The following PPFIA2 variants were observed in gnomAD, a reference collection of about 807,000 sequenced individuals.
PPFIA2 encodes the protein liprin-alpha-2.
In PPFIA2, 46 loss-of-function variants were observed where a neutral mutation model predicts 175.5. That is an observed-to-expected ratio of 0.26 (90% CI 0.21 to 0.34). PPFIA2 has a LOEUF of 0.34. Among genes scored for constraint, PPFIA2 ranks in the 10% least tolerant of loss-of-function variants. The pLI is 1.00. For missense variants in PPFIA2, 1,179 were observed against 1,506.1 expected, an observed-to-expected ratio of 0.78 and a Z score of 3.60; for synonymous variants, 568 against 511.4, an observed-to-expected ratio of 1.11 and a Z score of -1.49.
Position 81,440,813 on chromosome 12 carries a change from G to GATATATATAT in PPFIA2, c.571-777_571-768dup, listed in dbSNP as rs142582712. On this transcript the variant is annotated intron_variant, in intron 6 of 32. Transcript: ENST00000549396. ...ATGTTTAGATCTATATATATGTCCT[G>GATATATATAT]ATATATATATATATATATATAAAAC... 2.7e-3 allele frequency among the ~76,000 whole-genome samples: 384 copies of GATATATATAT among 143,134 alleles called. 4 individuals carry two copies. The highest frequency in any genetic ancestry group is 9.3e-3 in the African/African-American group (369 of 39,598). The allele number at this position is 143,134 out of a possible 152,430, so 93.9% of individuals were successfully genotyped here.
At chr12:81,757,518 GA>G (rs1205659781) in intron 2 of PPFIA2, among the ~76,000 whole-genome samples, 1 of 152,042 alleles carries the variant, frequency 6.6e-6, no homozygotes, top group African/African-American at 2.4e-5. Context: ...TGTTGAGAAA[GA>G]AAAAAAGTAA....
chr12:81,307,240 C>T (rs940491458), intron 22 of PPFIA2, among the ~76,000 whole-genome samples: 1 of 152,106 alleles, frequency 6.6e-6, no homozygotes, highest in African/African-American at 2.4e-5. Context: ...ACCATGTGCC[C>T]GCAGCCTCAT....
chr12:81,608,623 T>C (rs1472547510), intron 4 of PPFIA2, among the ~76,000 whole-genome samples: 1 of 152,070 alleles, frequency 6.6e-6, no homozygotes, highest in African/African-American at 2.4e-5. Context: ...TGTGTTTCTG[T>C]GGGATCAGTT....
chr12:81,559,897 C>A (rs1407298938), intron 4 of PPFIA2, among the ~76,000 whole-genome samples: 1 of 151,718 alleles, frequency 6.6e-6, no homozygotes, highest in Non-Finnish European at 1.5e-5. Context: ...AAATTAACAT[C>A]CTATCTCAGT....
At chr12:81,690,359 C>G (rs1412954623) in intron 3 of PPFIA2, among the ~76,000 whole-genome samples, 2 of 152,208 alleles carry the variant, frequency 1.3e-5, no homozygotes, top group East Asian at 1.9e-4. Flanking sequence ...TAAACATTGT[C>G]TCTTAATGAG....
intron 24 of PPFIA2, among the ~76,000 whole-genome samples, chr12:81,285,047 T>A (rs2042971908): frequency 6.6e-6 from 1 of 151,956 alleles, no homozygotes; most frequent in Non-Finnish European, 1.5e-5. Context: ...TGTAAAATAA[T>A]TTTTTTTCTC....
chr12:81,695,376 C>T (rs992461298), intron 3 of PPFIA2, among the ~76,000 whole-genome samples: 15 of 152,128 alleles, frequency 9.9e-5, no homozygotes, highest in African/African-American at 3.6e-4. Flanking sequence ...GTAGTAAGCT[C>T]TTGCGAGATC....
chr12:81,695,569 CTTT>C lies in PPFIA2; in HGVS notation c.250-18728_250-18726del, dbSNP rs548095807. Among the ~76,000 whole-genome samples, 315 of 152,204 alleles carry C rather than the reference CTTT, an allele frequency of 2.1e-3. 2 individuals carry two copies. Among genetic ancestry groups the C allele is most frequent in the Non-Finnish European group, 3.6e-3 (245 of 68,012 alleles). ...CCTACAAAACTGTGAGCCAATTAAA[CTTT>C]TTTTCTTTGTAAATTACCCAGCCAG... On this transcript the variant is annotated intron_variant, in intron 3 of 32. Transcript: ENST00000549396.
At chr12:81,332,838 TCA>T (rs2056398329) in intron 21 of PPFIA2, among the ~76,000 whole-genome samples, 1 of 152,144 alleles carries the variant, frequency 6.6e-6, no homozygotes, top group Admixed American at 6.6e-5. Flanking sequence ...TGAAATCATC[TCA>T]GTTTCGATAT....
intron 17 of PPFIA2, among the ~76,000 whole-genome samples, chr12:81,349,172 T>C (rs903685355): frequency 6.6e-6 from 1 of 152,224 alleles, no homozygotes; most frequent in Non-Finnish European, 1.5e-5. Flanking sequence ...TCACTAACTA[T>C]TCTGCAAATC....
At chr12:81,304,322 A>G (rs1413775513) in intron 22 of PPFIA2, among the ~76,000 whole-genome samples, 1 of 152,222 alleles carries the variant, frequency 6.6e-6, no homozygotes, top group Non-Finnish European at 1.5e-5. Context: ...TCTGATTTGT[A>G]TAGACCTACT....
chr12:81,316,877 A>G (rs1398923927), intron 22 of PPFIA2, among the ~76,000 whole-genome samples: 1 of 151,634 alleles, frequency 6.6e-6, no homozygotes, highest in Non-Finnish European at 1.5e-5. Flanking sequence ...TCTTTAAATC[A>G]CAGCCCTATT....
At chr12:81,727,226 T>C (rs1000896632) in intron 3 of PPFIA2, among the ~76,000 whole-genome samples, 1 of 151,428 alleles carries the variant, frequency 6.6e-6, no homozygotes, top group East Asian at 2.0e-4. Flanking sequence ...ATCACAAGCT[T>C]ATTTATATAA....
intron 4 of PPFIA2, among the ~76,000 whole-genome samples, chr12:81,600,289 T>A (rs2059657588): frequency 6.6e-6 from 1 of 152,006 alleles, no homozygotes; most frequent in Non-Finnish European, 1.5e-5. Flanking sequence ...TGAAATTTAA[T>A]ATTACATAAT....
chr12:81,384,480 G>T (rs1566584643), intron 8 of PPFIA2, among the ~76,000 whole-genome samples: 2 of 151,946 alleles, frequency 1.3e-5, no homozygotes, highest in Non-Finnish European at 2.9e-5. Flanking sequence ...AATATGCTAT[G>T]CTATGCTCTC....
rs1294376436 is a variant in PPFIA2 at position 81,403,780 on chromosome 12, C to G, written c.762+2007G>C. On this transcript the variant is annotated intron_variant, in intron 8 of 32. Coordinates refer to ENST00000549396, the MANE Select transcript of PPFIA2 (RefSeq NM_003625.5). The stretch of plus-strand genomic sequence containing the variant: ...AAACATGCTGTGCATGCGGCCCCTC[C>G]CAAGTGCTGACAGGCCACCGTGCAT... Among the ~76,000 whole-genome samples, 4 of 152,064 alleles carry G rather than the reference C, an allele frequency of 2.6e-5. No homozygotes were observed. The East Asian group carries it at 7.7e-4, about 29-fold the overall frequency.
rs56241008 is a variant in PPFIA2, at chr12:81,268,043, C to T, written c.3355G>A (p.Ala1119Thr). ...TTTGCATATTCTCGAAGTCCAATTG[C>T]TTGTATCCAGCGAATAACTCGGTCA... The part of the protein sequence containing the change: ...SNDRVIRWIQ[A>T]IGLREYANNI... Residue 1119 changes from alanine (A) to threonine (T), a missense_variant, in exon 29 of 33, where the codon GCA becomes ACA. Ala to Thr is a moderately conservative substitution (Grantham distance 58). Around this residue, in one of 10 missense-constraint regions of PPFIA2, gnomAD observed 245 missense variants for 375.1 expected, o/e 0.65. Transcript: ENST00000549396. 4,289 of 1,597,052 alleles carry T rather than the reference C, an allele frequency of 2.7e-3. 114 individuals carry two copies. The African/African-American group carries it at 0.052, about 19-fold the overall frequency.
chr12:81,708,183 C>CA (rs532941576), intron 3 of PPFIA2, among the ~76,000 whole-genome samples: 74 of 145,634 alleles, frequency 5.1e-4, no homozygotes, highest in African/African-American at 9.4e-4. Context: ...AATAAAAAAA[C>CA]AAAAAAAATG....
At chr12:81,633,262 T>C (rs73147481) in intron 4 of PPFIA2, among the ~76,000 whole-genome samples, 3,393 of 152,196 alleles carry the variant, frequency 0.022, 85 homozygotes, top group South Asian at 0.044. Context: ...TTCTCTTTCT[T>C]ATCCAAAAGA....
Sources: gnomAD v4.1 joint callset for allele counts (sites outside exome capture counted in the v4.1 genomes callset) on GRCh38, gnomAD v4.1.1 for gene constraint, gnomAD v4.1.1 regional missense constraint, MANE v1.5 for transcripts, NCBI Gene and HGNC (gene_info 2026-07-23, HGNC 2026-07-21) for gene names.